The following MYO3B variants were observed in gnomAD, a reference collection of about 807,000 sequenced individuals.
MYO3B encodes myosin IIIB, also known as myosin-IIIb.
MYO3B carries 156 observed loss-of-function variants against 174.6 expected under a neutral mutation model. The ratio of observed to expected loss-of-function variants is 0.89; its 90% CI spans 0.78 to 1.02. The LOEUF (loss-of-function observed/expected upper bound fraction) is 1.02. Among genes scored for constraint, MYO3B ranks in the 50% least tolerant of loss-of-function variants. The pLI is 0.00. For synonymous variants in MYO3B, 563 were observed against 569.1 expected, an observed-to-expected ratio of 0.99 and a Z score of 0.15; for missense variants, 1,632 against 1,639.4, an observed-to-expected ratio of 1.00 and a Z score of 0.08.
At chr2:170,627,143 G>A in intron 32 of MYO3B, among the ~76,000 whole-genome samples, 1 of 152,294 alleles carries the variant, frequency 6.6e-6, no homozygotes, top group African/African-American at 2.4e-5. Context: ...ATCCTGAAGA[G>A]GGTTTTCCAG....
chr2:170,458,711 C>T (rs1684054708), intron 23 of MYO3B, among the ~76,000 whole-genome samples: 1 of 152,178 alleles, frequency 6.6e-6, no homozygotes, highest in African/African-American at 2.4e-5. Flanking sequence ...CGTGGAAGGC[C>T]TGATACAGAG....
chr2:170,624,794 A>G (rs1696259063), intron 32 of MYO3B, among the ~76,000 whole-genome samples: 1 of 152,120 alleles, frequency 6.6e-6, no homozygotes, highest in Non-Finnish European at 1.5e-5. Context: ...GAATTTTGTC[A>G]AAGGCCTTTT....
chr2:170,450,389 A>G (rs1400515310), intron 23 of MYO3B, among the ~76,000 whole-genome samples: 1 of 152,238 alleles, frequency 6.6e-6, no homozygotes, highest in Non-Finnish European at 1.5e-5. Flanking sequence ...AACACTGGAT[A>G]TCACTAAATA....
chr2:170,646,673 G>C (rs1307158420), intron 32 of MYO3B, among the ~76,000 whole-genome samples: 1 of 152,214 alleles, frequency 6.6e-6, no homozygotes, highest in Non-Finnish European at 1.5e-5. Flanking sequence ...TGGGATTACA[G>C]GCGTGAGCCA....
intron 32 of MYO3B, among the ~76,000 whole-genome samples, chr2:170,593,582 T>C (rs1278418993): frequency 1.3e-5 from 2 of 152,194 alleles, no homozygotes; most frequent in Admixed American, 6.5e-5. Flanking sequence ...ACACTGGCTC[T>C]CTCCTGCCTC....
intron 32 of MYO3B, among the ~76,000 whole-genome samples, chr2:170,587,808 T>C (rs1293310205): frequency 2.0e-5 from 3 of 152,240 alleles, no homozygotes; most frequent in Non-Finnish European, 4.4e-5. Context: ...TCAAGACTTG[T>C]TATTCACTAC....
At chr2:170,571,219 C>T (rs1296654490) in intron 32 of MYO3B, among the ~76,000 whole-genome samples, 1 of 152,114 alleles carries the variant, frequency 6.6e-6, no homozygotes. Flanking sequence ...ATCCATGCCA[C>T]AGAAATAGAA....
intron 32 of MYO3B, among the ~76,000 whole-genome samples, chr2:170,650,387 A>G (rs1471960501): frequency 6.6e-6 from 1 of 152,142 alleles, no homozygotes; most frequent in African/African-American, 2.4e-5. Flanking sequence ...AAATTCCCCC[A>G]GAATTTTTTT....
At chr2:170,325,420 C>T (rs905060268) in intron 7 of MYO3B, among the ~76,000 whole-genome samples, 2 of 152,130 alleles carry the variant, frequency 1.3e-5, no homozygotes, top group African/African-American at 2.4e-5. Flanking sequence ...GTTGACCAGG[C>T]TGGTCTTGAA....
At chr2:170,555,913 C>T (rs1396521120) in intron 32 of MYO3B, among the ~76,000 whole-genome samples, 2 of 150,280 alleles carry the variant, frequency 1.3e-5, no homozygotes, top group Admixed American at 6.6e-5. Flanking sequence ...TCCTCCATGT[C>T]GGCTGGGTGT....
chr2:170,392,535 CT>C, intron 16 of MYO3B, 40 bp downstream of exon 16: 1 of 1,283,360 alleles, frequency 7.8e-7, no homozygotes, highest in Non-Finnish European at 1.1e-6. Context: ...TGACAATATT[CT>C]TATATGAATG....
chr2:170,301,404 T>A (rs1046982760), intron 7 of MYO3B, among the ~76,000 whole-genome samples: 3 of 152,232 alleles, frequency 2.0e-5, no homozygotes, highest in African/African-American at 7.2e-5. Flanking sequence ...CAACCACTTA[T>A]AATACCTCAG....
At chr2:170,299,957 T>TA (rs1358070066) in intron 7 of MYO3B, among the ~76,000 whole-genome samples, 1 of 152,232 alleles carries the variant, frequency 6.6e-6, no homozygotes, top group Non-Finnish European at 1.5e-5. Context: ...CATCGCAGTG[T>TA]AAGAAAGGCC....
intron 7 of MYO3B, 73 bp from the exon 8 acceptor site, chr2:170,335,312 A>G (rs1486769821): frequency 1.8e-5 from 21 of 1,152,360 alleles, no homozygotes; most frequent in Non-Finnish European, 2.3e-5. Flanking sequence ...AATGATATCA[A>G]TAAAAACAAG....
At chr2:170,580,979 T>C (rs1243561395) in intron 32 of MYO3B, among the ~76,000 whole-genome samples, 1 of 152,164 alleles carries the variant, frequency 6.6e-6, no homozygotes, top group East Asian at 1.9e-4. Context: ...CTGTGATGGA[T>C]GTTCTTGTAT....
At chr2:170,601,544 G>C in intron 32 of MYO3B, 6 of 921,356 alleles carry the variant, frequency 6.5e-6, no homozygotes, top group South Asian at 6.5e-5. Context: ...TATTTAAAAG[G>C]AGTGAGTTGT....
At chr2:170,405,406 A>G (rs1479627505) in intron 20 of MYO3B, 139 bp from the exon 21 acceptor site, 1 of 674,218 alleles carries the variant, frequency 1.5e-6, no homozygotes, top group Non-Finnish European at 2.6e-6. Flanking sequence ...CATATCGGTG[A>G]TCTTTCTCCA....
chr2:170,276,398 G>A (rs1220175979), intron 7 of MYO3B, among the ~76,000 whole-genome samples: 1 of 152,148 alleles, frequency 6.6e-6, no homozygotes, highest in East Asian at 1.9e-4. Flanking sequence ...GAACCCATAT[G>A]CTTATGGTTA....
intron 32 of MYO3B, among the ~76,000 whole-genome samples, chr2:170,572,366 T>G (rs1559126670): frequency 6.6e-6 from 1 of 151,450 alleles, no homozygotes; most frequent in Non-Finnish European, 1.5e-5. Context: ...AGGCGGAGGT[T>G]GCAGTGAGCT....
Sources: allele counts gnomAD v4.1 joint callset (sites outside exome capture counted in the v4.1 genomes callset), GRCh38; gene constraint gnomAD v4.1.1; transcripts MANE v1.5; gene names NCBI Gene and HGNC (gene_info 2026-07-23, HGNC 2026-07-21).